Variants in NDUFAF5 observed in about 807,000 individuals in gnomAD.
NDUFAF5 encodes the protein NADH:ubiquinone oxidoreductase complex assembly factor 5.
NDUFAF5 carries 34 observed loss-of-function variants against 48.9 expected under a neutral mutation model. That is an observed-to-expected ratio of 0.70 (90% confidence interval 0.53 to 0.93). The LOEUF (loss-of-function observed/expected upper bound fraction) is 0.93. NDUFAF5 is among the 40% of genes least tolerant of loss of function. The probability of loss-of-function intolerance (pLI) is 0.00; values close to 1 mark genes in which losing one functional copy is unlikely to be tolerated. For synonymous variants in NDUFAF5, 153 were observed against 150.6 expected (o/e 1.02, Z -0.12); for missense variants, 428 against 427.5 (o/e 1.00, Z -0.01).
intron 3 of NDUFAF5, among the ~76,000 whole-genome samples, chr20:13,790,527 C>T (rs1269057621): frequency 6.6e-6 from 1 of 152,218 alleles, no homozygotes; most frequent in East Asian, 1.9e-4. Flanking sequence ...TATTGGTCTC[C>T]CTGCTTTACC....
chr20:13,808,899 C>T lies in NDUFAF5; in HGVS notation c.775C>T (p.Gln259Ter), dbSNP rs755097467. Reference protein sequence around the residue: ...PGMFELMEDLQGMGESNCAWN... With the variant: ...PGMFELMEDL ...AATGTTTGAATTGATGGAAGATTTA[C>T]AAGGTAAGGCACTTTAAAGAATTTT... is the stretch of plus-strand genomic sequence containing the variant. Residue 259 changes from glutamine (Q) to a stop codon, truncating the protein, a stop_gained, in exon 8 of 11, where the codon CAA becomes TAA. Transcript: ENST00000378106. LOFTEE classifies it high-confidence loss of function. The T allele has an allele frequency of 4.1e-5, 66 of 1,596,178 alleles. No individual in the cohort carries two copies. The highest frequency in any genetic ancestry group is 5.6e-5 in the Non-Finnish European group (65 of 1,163,990).
At chr20:13,814,523 C>G in intron 8 of NDUFAF5, 2 of 1,256,946 alleles carry the variant, frequency 1.6e-6, no homozygotes, top group Non-Finnish European at 2.1e-6. Context: ...AAGGTAAGTT[C>G]AGTTATTTTT....
intron 5 of NDUFAF5, among the ~76,000 whole-genome samples, chr20:13,798,109 A>G (rs1983529268): frequency 6.6e-6 from 1 of 152,150 alleles, no homozygotes; most frequent in Non-Finnish European, 1.5e-5. Flanking sequence ...GAGCATTTTT[A>G]CTACTTTTTG....
At chr20:13,796,058 C>T in intron 5 of NDUFAF5, among the ~76,000 whole-genome samples, 1 of 152,160 alleles carries the variant, frequency 6.6e-6, no homozygotes, top group Non-Finnish European at 1.5e-5. Flanking sequence ...CTTCTTTCTC[C>T]TGTCTTATAG....
rs1275505745 is a variant in NDUFAF5 at position 13,794,915 on chromosome 20, A to G, written c.453A>G (p.Thr151=). Residue 151 remains threonine, a synonymous_variant, in exon 5 of 11, where the codon ACA becomes ACG. Transcript: ENST00000378106. The part of the protein sequence containing the change: ...DEEFLPFKEN[T]FDLVVSSLSL... ...AATTCCTTCCCTTCAAAGAAAATAC[A>G]TTTGACCTGGTGGTTAGCAGTTTAA... is the stretch of plus-strand genomic sequence containing the variant. The G allele has an allele frequency of 1.9e-6, 3 of 1,611,414 alleles. No individual in the cohort carries two copies. Among genetic ancestry groups the G allele is most frequent in the Non-Finnish European group, 2.5e-6 (3 of 1,177,506 alleles).
intron 5 of NDUFAF5, among the ~76,000 whole-genome samples, chr20:13,796,466 T>C (rs1040233226): frequency 6.6e-6 from 1 of 152,162 alleles, no homozygotes; most frequent in Non-Finnish European, 1.5e-5. Context: ...TAGTATGAGC[T>C]CCTTAGTTTT....
rs1471821762 is a variant in NDUFAF5, at chr20:13,785,032, G to A, written c.-37G>A. 1.3e-6 allele frequency: 2 copies of A among 1,574,616 alleles called. No homozygotes were observed. The highest frequency in any genetic ancestry group is 2.3e-5 in the East Asian group (1 of 44,194). On this transcript the variant is annotated 5_prime_UTR_variant, in exon 1 of 11. Transcript: ENST00000378106. ...ACACAAAAGCCGCGCTGGCGCATGC[G>A]CACAAAAAGCGCCGGCAATTGGGGT...
rs1265417190 is a variant in NDUFAF5 at position 13,817,667 on chromosome 20, C to T, written c.*457C>T. 8.8e-6 allele frequency: 4 copies of T among 454,066 alleles called. No homozygotes were observed. 28.1% of individuals were successfully genotyped at this position (454,066 alleles called of 1,614,324 possible). On this transcript the variant is annotated 3_prime_UTR_variant, in exon 11 of 11. Coordinates refer to ENST00000378106, the MANE Select transcript of NDUFAF5 (RefSeq NM_024120.5). The stretch of plus-strand genomic sequence containing the variant: ...CCTCAACTCTTTTTTTTTAAAGCAT[C>T]TGAATTTAACCTTATTTCTTTTTTA...
At position 13,817,168 on chromosome 20, in the gene NDUFAF5, A is replaced by C; in HGVS notation, c.996A>C (p.Gly332=). 1 of 1,614,034 alleles carries C rather than the reference A, an allele frequency of 6.2e-7. No homozygotes were observed. The highest frequency in any genetic ancestry group is 1.1e-5 in the South Asian group (1 of 91,074). ...GSATVSFGEL[G]KINNLMPPGK... is the part of the protein sequence containing the mutation. ...CAACTGTGTCATTTGGAGAGCTAGGAAAAATAAACAACCTTATGCCACCGG... is the reference window on the plus strand; with the variant it reads ...CAACTGTGTCATTTGGAGAGCTAGGCAAAATAAACAACCTTATGCCACCGG... The change falls in exon 11 of 11, where the codon GGA becomes GGC. Residue 332 remains glycine, a synonymous_variant. Coordinates refer to ENST00000378106, the MANE Select transcript of NDUFAF5 (RefSeq NM_024120.5).
intron 5 of NDUFAF5, among the ~76,000 whole-genome samples, chr20:13,796,165 C>G (rs1983180493): frequency 6.6e-6 from 1 of 152,142 alleles, no homozygotes; most frequent in South Asian, 2.1e-4. Context: ...CAAGGTGTGC[C>G]CAGGACTTTG....
At chr20:13,812,286 G>A (rs955084753) in intron 8 of NDUFAF5, among the ~76,000 whole-genome samples, 7 of 152,148 alleles carry the variant, frequency 4.6e-5, no homozygotes, top group Non-Finnish European at 7.3e-5. Context: ...TTCATTAATA[G>A]AGGGATTGGC....
chr20:13,805,273 G>GA (rs1244669948), intron 7 of NDUFAF5, among the ~76,000 whole-genome samples: 1 of 151,852 alleles, frequency 6.6e-6, no homozygotes, highest in East Asian at 1.9e-4. Context: ...TGCCCATTAC[G>GA]AAAAAAATGG....
intron 7 of NDUFAF5, 76 bp downstream of exon 7, chr20:13,801,759 C>T (rs912130353): frequency 6.0e-6 from 8 of 1,334,396 alleles, no homozygotes; most frequent in Non-Finnish European, 8.6e-6. Flanking sequence ...AGATAGAAAA[C>T]TGTATGTGTT....
intron 5 of NDUFAF5, among the ~76,000 whole-genome samples, chr20:13,797,489 A>C (rs1264924898): frequency 6.6e-6 from 1 of 152,238 alleles, no homozygotes; most frequent in African/African-American, 2.4e-5. Context: ...CTAATCTGAA[A>C]AGGCTACATA....
intron 6 of NDUFAF5, among the ~76,000 whole-genome samples, chr20:13,799,781 A>G (rs922580663): frequency 1.3e-5 from 2 of 152,046 alleles, no homozygotes; most frequent in Admixed American, 6.5e-5. Flanking sequence ...CAAGAATGAG[A>G]TAAACTAAAC....
chr20:13,810,613 T>G (rs75328588), intron 8 of NDUFAF5, among the ~76,000 whole-genome samples: 1 of 147,082 alleles, frequency 6.8e-6, no homozygotes, highest in Admixed American at 6.8e-5. Context: ...GATGAGGTTG[T>G]TTTTTTTTTT....
chr20:13,813,928 G>A (rs1986164751), intron 8 of NDUFAF5: 1 of 157,306 alleles, frequency 6.4e-6, no homozygotes. Context: ...GCGTTGTAAT[G>A]TCTTGGAAGA....
At chr20:13,788,509 G>T (rs993271927) in intron 2 of NDUFAF5, 80 bp from the exon 3 acceptor site, 5 of 1,116,136 alleles carry the variant, frequency 4.5e-6, no homozygotes, top group Non-Finnish European at 2.7e-6. Context: ...TTACTGGAAT[G>T]ATTTTACCTA....
chr20:13,807,842 G>A (rs974809089), intron 7 of NDUFAF5, among the ~76,000 whole-genome samples: 4 of 151,896 alleles, frequency 2.6e-5, no homozygotes, highest in Admixed American at 1.3e-4. Flanking sequence ...CCAGCTACTC[G>A]GGAGGCTGAG....
Sources: gnomAD v4.1 joint callset for allele counts (sites outside exome capture counted in the v4.1 genomes callset) on GRCh38, gnomAD v4.1.1 for gene constraint, MANE v1.5 for transcripts, NCBI Gene and HGNC (gene_info 2026-07-23, HGNC 2026-07-21) for gene names.